Variants in CCDC150 observed in about 807,000 individuals in gnomAD.
CCDC150 encodes coiled-coil domain-containing protein 150.
A neutral mutation model predicts 156.5 loss-of-function variants in CCDC150; 151 were observed. The observed-to-expected ratio is 0.97, with a 90% confidence interval of 0.85 to 1.10. The LOEUF (loss-of-function observed/expected upper bound fraction) is 1.10. Among genes scored for constraint, CCDC150 ranks in the 50% least tolerant of loss-of-function variants. The pLI is 0.00. For missense variants in CCDC150, 1,312 were observed against 1,268.1 expected (o/e 1.03, Z -0.53); for synonymous variants, 452 against 429.4 (o/e 1.05, Z -0.65).
intron 17 of CCDC150, among the ~76,000 whole-genome samples, chr2:196,714,378 A>C (rs982417570): frequency 6.6e-6 from 1 of 152,144 alleles, no homozygotes; most frequent in Non-Finnish European, 1.5e-5. Context: ...TTGATGCCCT[A>C]TGCTGATGAA....
chr2:196,712,530 G>A (rs1697198102), intron 16 of CCDC150, 147 bp from the exon 17 acceptor site: 2 of 619,502 alleles, frequency 3.2e-6, no homozygotes, highest in Non-Finnish European at 5.8e-6. Context: ...AGAAAGTTAT[G>A]CTTTTCAGAA....
intron 1 of CCDC150, among the ~76,000 whole-genome samples, chr2:196,643,715 ACT>A (rs1692371960): frequency 6.6e-6 from 1 of 152,026 alleles, no homozygotes; most frequent in South Asian, 2.1e-4. Flanking sequence ...CATAGACAAG[ACT>A]CTATATTATA....
At chr2:196,689,261 G>GT (rs1695297180) in intron 13 of CCDC150, among the ~76,000 whole-genome samples, 1 of 152,246 alleles carries the variant, frequency 6.6e-6, no homozygotes, top group African/African-American at 2.4e-5. Flanking sequence ...CTTTAAAGTA[G>GT]TTTTTTCCAA....
chr2:196,696,106 A>G (rs368266438), intron 14 of CCDC150, among the ~76,000 whole-genome samples: 2 of 152,102 alleles, frequency 1.3e-5, no homozygotes, highest in Non-Finnish European at 2.9e-5. Context: ...CAGATTTCCT[A>G]CTTTTGAGTT....
chr2:196,716,224 A>G (rs1697490998), intron 17 of CCDC150, among the ~76,000 whole-genome samples: 1 of 152,236 alleles, frequency 6.6e-6, no homozygotes, highest in Non-Finnish European at 1.5e-5. Flanking sequence ...AGCGAAACAT[A>G]CTACCACCAT....
intron 2 of CCDC150, among the ~76,000 whole-genome samples, chr2:196,651,001 C>T: frequency 6.6e-6 from 1 of 152,148 alleles, no homozygotes; most frequent in Middle Eastern, 3.2e-3. Context: ...TCAGTTTCTT[C>T]ATTATTCAGT....
chr2:196,669,836 C>G lies in CCDC150; in HGVS notation c.896C>G (p.Ser299Cys), dbSNP rs372180744. The change falls in exon 8 of 28, where the codon TCT (serine) becomes TGT (cysteine). Residue 299 changes from serine to cysteine, a missense_variant. Ser to Cys is a moderately radical substitution (Grantham distance 112). Transcript: ENST00000389175. Reference sequence around the variant, plus strand: ...TATGTGGAATTTTTGTTTTTAGCTTCTAGAGATGACCTCATTTCCAAGTTG... The same window carrying G: ...TATGTGGAATTTTTGTTTTTAGCTTGTAGAGATGACCTCATTTCCAAGTTG... ...ATSQLKSDLTSRDDLISKLVE... is the reference protein window; with the variant it reads ...ATSQLKSDLTCRDDLISKLVE... 11 of 1,608,306 alleles carry G rather than the reference C, an allele frequency of 6.8e-6. No individual in the cohort carries two copies. In the African/African-American group the frequency reaches 1.1e-4, roughly 16 times the overall value.
intron 13 of CCDC150, among the ~76,000 whole-genome samples, chr2:196,688,965 C>G (rs2125639577): frequency 6.6e-6 from 1 of 152,206 alleles, no homozygotes; most frequent in Non-Finnish European, 1.5e-5. Context: ...CTACATATGG[C>G]TAGCCAGTTT....
At chr2:196,660,236 A>C (rs929363139) in intron 5 of CCDC150, among the ~76,000 whole-genome samples, 1 of 152,122 alleles carries the variant, frequency 6.6e-6, no homozygotes, top group Non-Finnish European at 1.5e-5. Context: ...GGTTGCTTCC[A>C]ATTTTTGGCA....
At chr2:196,694,323 T>TG (rs943646992) in intron 13 of CCDC150, among the ~76,000 whole-genome samples, 1 of 152,156 alleles carries the variant, frequency 6.6e-6, no homozygotes, top group Non-Finnish European at 1.5e-5. Flanking sequence ...CCCAAAGACC[T>TG]GGGATTACAG....
intron 5 of CCDC150, among the ~76,000 whole-genome samples, chr2:196,662,765 GA>G (rs974682749): frequency 1.3e-5 from 2 of 149,690 alleles, no homozygotes; most frequent in Non-Finnish European, 1.5e-5. Context: ...CCCATTTCTG[GA>G]AAAAAAAAGA....
intron 15 of CCDC150, among the ~76,000 whole-genome samples, chr2:196,710,263 G>A (rs1021759121): frequency 4.6e-5 from 7 of 152,316 alleles, no homozygotes; most frequent in East Asian, 3.9e-4. Context: ...AGACTTCTGC[G>A]TTAGCAGTGA....
At chr2:196,683,095 C>G (rs1694937126) in intron 13 of CCDC150, among the ~76,000 whole-genome samples, 1 of 151,994 alleles carries the variant, frequency 6.6e-6, no homozygotes, top group Non-Finnish European at 1.5e-5. Context: ...TGTCTTGTTT[C>G]TGATCTTCGG....
intron 1 of CCDC150, 25 bp from the exon 2 acceptor site, chr2:196,646,316 A>T (rs778514199): frequency 1.2e-6 from 2 of 1,608,696 alleles, no homozygotes; most frequent in South Asian, 2.2e-5. Flanking sequence ...GACCTACCAC[A>T]CTAAGATTGT....
At chr2:196,715,847 C>A (rs1697461295) in intron 17 of CCDC150, among the ~76,000 whole-genome samples, 1 of 151,902 alleles carries the variant, frequency 6.6e-6, no homozygotes, top group Non-Finnish European at 1.5e-5. Flanking sequence ...CATAAAGGGA[C>A]AAAAATGATA....
At chr2:196,678,751 A>C (rs181994073) in intron 13 of CCDC150, among the ~76,000 whole-genome samples, 46 of 152,148 alleles carry the variant, frequency 3.0e-4, no homozygotes, top group African/African-American at 1.0e-3. Context: ...AAAAATACAA[A>C]AAAAATTAAC....
intron 2 of CCDC150, among the ~76,000 whole-genome samples, chr2:196,646,864 T>C (rs1692575653): frequency 6.6e-6 from 1 of 152,168 alleles, no homozygotes; most frequent in Non-Finnish European, 1.5e-5. Context: ...TGTTGCTTCA[T>C]GCCATTAATT....
rs1256722789 is a variant in CCDC150 at position 196,713,222 on chromosome 2, G to A, written c.1866+483G>A. 4.0e-6 allele frequency: 5 copies of A among 1,256,406 alleles called. No individual in the cohort carries two copies. In the South Asian group the frequency reaches 1.1e-4, roughly 28 times the overall value. The allele number at this position is 1,256,406 out of a possible 1,614,324, so 77.8% of individuals were successfully genotyped here. On this transcript the variant is annotated intron_variant, in intron 17 of 27. Transcript: ENST00000389175. ...GTGTGATCTCTTCACTCTGAAAGCA[G>A]AGAAACACATTTTCAATATATTTTC...
At chr2:196,728,899 C>T (rs150128611) in intron 22 of CCDC150, among the ~76,000 whole-genome samples, 7 of 152,310 alleles carry the variant, frequency 4.6e-5, no homozygotes, top group Admixed American at 2.0e-4. Context: ...CTAGTAAGTA[C>T]TGAAGCTGAT....
Sources: gnomAD v4.1 joint callset for allele counts (sites outside exome capture counted in the v4.1 genomes callset) on GRCh38, gnomAD v4.1.1 for gene constraint, MANE v1.5 for transcripts, NCBI Gene and HGNC (gene_info 2026-07-23, HGNC 2026-07-21) for gene names.